Variants in GIPC2 observed in about 807,000 individuals in gnomAD.
The protein encoded by GIPC2 is GIPC PDZ domain containing family member 2.
A neutral mutation model predicts 30.6 loss-of-function variants in GIPC2; 30 were observed. The ratio of observed to expected loss-of-function variants is 0.98; its 90% CI spans 0.73 to 1.33. GIPC2 has a LOEUF of 1.33. Among genes scored for constraint, GIPC2 ranks in the 40% most tolerant of loss-of-function variants. GIPC2 has a pLI of 0.00. For synonymous variants in GIPC2, 167 were observed against 150.0 expected (o/e 1.11, Z -0.83); for missense variants, 414 against 390.3 (o/e 1.06, Z -0.51).
At chr1:78,070,611 T>TA (rs1325429092) in intron 1 of GIPC2, among the ~76,000 whole-genome samples, 4 of 152,198 alleles carry the variant, frequency 2.6e-5, no homozygotes, top group African/African-American at 4.8e-5. Flanking sequence ...AGGCAAGACT[T>TA]ACACCTATTC....
intron 1 of GIPC2, among the ~76,000 whole-genome samples, chr1:78,070,071 C>G (rs1661588912): frequency 6.6e-6 from 1 of 152,082 alleles, no homozygotes; most frequent in African/African-American, 2.4e-5. Flanking sequence ...AGAATTCAGC[C>G]TCGTGGGCCA....
At chr1:78,052,790 C>G (rs2102635076) in intron 1 of GIPC2, among the ~76,000 whole-genome samples, 1 of 152,278 alleles carries the variant, frequency 6.6e-6, no homozygotes, top group East Asian at 1.9e-4. Context: ...GGAGCTGCTT[C>G]CTGAGGCTTC....
upstream of GIPC2, chr1:78,045,503 G>A: frequency 1.1e-6 from 1 of 943,794 alleles, no homozygotes; most frequent in South Asian, 4.9e-5. Context: ...AGGCAAAAGG[G>A]AAACTCAGAG....
At chr1:78,051,147 AAG>A (rs1405276713) in intron 1 of GIPC2, among the ~76,000 whole-genome samples, 1 of 152,120 alleles carries the variant, frequency 6.6e-6, no homozygotes, top group African/African-American at 2.4e-5. Context: ...TAATAAAAAA[AAG>A]AACCCCACTT....
chr1:78,131,617 G>GT (rs1387386838), intron 5 of GIPC2, among the ~76,000 whole-genome samples: 1 of 152,080 alleles, frequency 6.6e-6, no homozygotes, highest in Non-Finnish European at 1.5e-5. Context: ...TATAAAAAGT[G>GT]TTTTATTTTG....
chr1:78,092,512 CCTTTG>C (rs1263589846), intron 2 of GIPC2, among the ~76,000 whole-genome samples: 3 of 152,108 alleles, frequency 2.0e-5, no homozygotes, highest in Non-Finnish European at 4.4e-5. Flanking sequence ...CCTTCTTATT[CCTTTG>C]CATCTGATTA....
chr1:78,137,403 A>G lies in GIPC2; in HGVS notation c.*1660A>G, dbSNP rs1305650676. On this transcript the variant is annotated 3_prime_UTR_variant, in exon 6 of 6. Coordinates refer to ENST00000370759, the MANE Select transcript of GIPC2 (RefSeq NM_017655.6). ...GAAACATTCTCGTTTAAACAACAAC[A>G]ACAAAATAAATTTATCAGCACTAGA... The G allele has an allele frequency of 6.6e-6, 1 of 152,210 alleles. No homozygotes were observed. The allele number at this position is 152,210 out of a possible 1,614,324, so 9.4% of individuals were successfully genotyped here.
chr1:78,051,568 C>T (rs549593025), intron 1 of GIPC2, among the ~76,000 whole-genome samples: 168 of 151,634 alleles, frequency 1.1e-3, no homozygotes, highest in Non-Finnish European at 1.8e-3. Context: ...GGTGTGATCT[C>T]GGCTCACTGC....
Position 78,135,808 on chromosome 1 carries a change from T to A in GIPC2, c.*65T>A. ...TTTTTTTCTCTTTTTTAAAAAGTCCTATAAGATCTGTTTTTGGACACCTTT... is the reference window on the plus strand; with the variant it reads ...TTTTTTTCTCTTTTTTAAAAAGTCCAATAAGATCTGTTTTTGGACACCTTT... On this transcript the variant is annotated 3_prime_UTR_variant, in exon 6 of 6. Coordinates refer to ENST00000370759, the MANE Select transcript of GIPC2 (RefSeq NM_017655.6). 1 of 1,361,916 alleles carries A rather than the reference T, an allele frequency of 7.3e-7. No homozygotes were observed. The highest frequency in any genetic ancestry group is 1.0e-6 in the Non-Finnish European group (1 of 977,666). The allele number at this position is 1,361,916 out of a possible 1,614,324, so 84.4% of individuals were successfully genotyped here.
rs777853747 is a variant in GIPC2 at position 78,135,582 on chromosome 1, T to A, written c.797-10T>A. ...ATTTATTGTTAATTTTTTAATATTA[T>A]TTTTGATAGCCACCACAATGTTTGA... is the stretch of plus-strand genomic sequence containing the variant. On this transcript the variant is annotated splice_polypyrimidine_tract_variant and intron_variant, in intron 5 of 5. Coordinates refer to ENST00000370759, the MANE Select transcript of GIPC2 (RefSeq NM_017655.6). 11 of 1,487,564 alleles carry A rather than the reference T, an allele frequency of 7.4e-6. No individual in the cohort carries two copies. The highest frequency in any genetic ancestry group is 8.2e-6 in the Non-Finnish European group (9 of 1,100,948). 92.1% of individuals were successfully genotyped at this position (1,487,564 alleles called of 1,614,324 possible). A position where few individuals can be genotyped will look rare whatever the true frequency, so the allele number is the denominator to read the frequency against.
At chr1:78,103,688 A>G (rs1226935229) in intron 3 of GIPC2, among the ~76,000 whole-genome samples, 1 of 152,248 alleles carries the variant, frequency 6.6e-6, no homozygotes, top group African/African-American at 2.4e-5. Context: ...AATGCAGACC[A>G]TGATGCATGC....
intron 3 of GIPC2, among the ~76,000 whole-genome samples, chr1:78,099,268 A>G (rs1662196126): frequency 6.6e-6 from 1 of 152,102 alleles, no homozygotes; most frequent in South Asian, 2.1e-4. Context: ...ACATGCATGA[A>G]TAAGATCCAG....
intron 5 of GIPC2, among the ~76,000 whole-genome samples, chr1:78,132,667 G>A (rs1245077931): frequency 6.8e-6 from 1 of 146,724 alleles, no homozygotes; most frequent in African/African-American, 2.5e-5. Context: ...AGCCAAGGAT[G>A]TGTGTGTGTG....
chr1:78,063,740 C>T (rs762568791), intron 1 of GIPC2, among the ~76,000 whole-genome samples: 34 of 151,132 alleles, frequency 2.2e-4, no homozygotes, highest in Non-Finnish European at 3.7e-4. Context: ...AAAAATTTGC[C>T]GGGTGTGGTG....
chr1:78,129,561 T>A (rs1481396214), intron 5 of GIPC2, among the ~76,000 whole-genome samples: 1 of 152,214 alleles, frequency 6.6e-6, no homozygotes, highest in Non-Finnish European at 1.5e-5. Context: ...TGGAAAATAA[T>A]TTAAATGAAT....
chr1:78,094,162 G>C (rs1156620754), intron 2 of GIPC2, among the ~76,000 whole-genome samples: 1 of 152,216 alleles, frequency 6.6e-6, no homozygotes, highest in Admixed American at 6.5e-5. Context: ...TCTTAGCTAA[G>C]ATGGTATTAT....
At chr1:78,123,707 A>G (rs1662727392) in intron 4 of GIPC2, among the ~76,000 whole-genome samples, 1 of 152,190 alleles carries the variant, frequency 6.6e-6, no homozygotes, top group Non-Finnish European at 1.5e-5. Context: ...ATAGATCCAG[A>G]TCTGTTCCGT....
At chr1:78,081,369 T>C (rs1385964241) in intron 2 of GIPC2, among the ~76,000 whole-genome samples, 1 of 152,230 alleles carries the variant, frequency 6.6e-6, no homozygotes, top group Non-Finnish European at 1.5e-5. Flanking sequence ...GTACTGAACA[T>C]GTATGGCCTT....
At chr1:78,086,626 A>G (rs979039074) in intron 2 of GIPC2, among the ~76,000 whole-genome samples, 1 of 152,130 alleles carries the variant, frequency 6.6e-6, no homozygotes, top group African/African-American at 2.4e-5. Flanking sequence ...GTGCATATAT[A>G]TTTAGGATAG....
Sources: gnomAD v4.1 joint callset for allele counts (sites outside exome capture counted in the v4.1 genomes callset) on GRCh38, gnomAD v4.1.1 for gene constraint, MANE v1.5 for transcripts, NCBI Gene and HGNC (gene_info 2026-07-23, HGNC 2026-07-21) for gene names.